The following ZHX2 variants were observed in gnomAD, a reference collection of about 807,000 sequenced individuals.
ZHX2 encodes the protein zinc fingers and homeoboxes 2.
Under a neutral mutation model 21.9 loss-of-function variants are expected in ZHX2, and 6 were observed. The observed-to-expected ratio is 0.27, with a 90% CI of 0.15 to 0.54. The LOEUF (loss-of-function observed/expected upper bound fraction) is 0.54, where lower values mean the gene tolerates loss of function less well. ZHX2 is among the 20% of genes least tolerant of loss of function. ZHX2 has a pLI of 0.95. For synonymous variants in ZHX2, 434 were observed against 437.1 expected (o/e 0.99, Z 0.09); for missense variants, 908 against 1,090.7 (o/e 0.83, Z 2.36).
intron 2 of ZHX2, among the ~76,000 whole-genome samples, chr8:122,866,856 G>T (rs375967758): frequency 6.6e-6 from 1 of 151,994 alleles, no homozygotes; most frequent in East Asian, 1.9e-4. Flanking sequence ...ACAGAGTCTC[G>T]CTCTGCCACC....
chr8:122,974,143 A>G lies in ZHX2; in HGVS notation c.*906A>G, dbSNP rs1003635312. On this transcript the variant is annotated 3_prime_UTR_variant, in exon 4 of 4. Transcript: ENST00000314393. ...TCCTATCTGGAGGGTACAGAGGTGA[A>G]TGGCTTTGGTTTTCATTTCTCTTCT... 1 of 152,468 alleles carries G rather than the reference A, an allele frequency of 6.6e-6. No homozygotes were observed. Among genetic ancestry groups the G allele is most frequent in the Non-Finnish European group, 1.5e-5 (1 of 68,016 alleles). The allele number at this position is 152,468 out of a possible 1,614,324, so 9.4% of individuals were successfully genotyped here.
At chr8:122,946,982 G>A (rs1812990634) in intron 2 of ZHX2, among the ~76,000 whole-genome samples, 1 of 151,552 alleles carries the variant, frequency 6.6e-6, no homozygotes, top group African/African-American at 2.4e-5. Flanking sequence ...GATGCTGGGT[G>A]TGGTGGCTCA....
At chr8:122,896,314 T>C (rs574411817) in intron 2 of ZHX2, among the ~76,000 whole-genome samples, 2 of 152,086 alleles carry the variant, frequency 1.3e-5, no homozygotes, top group Admixed American at 6.5e-5. Flanking sequence ...TCTTCTCCAG[T>C]TTGCTCCTGC....
chr8:122,832,856 C>T (rs1466921492), intron 1 of ZHX2, among the ~76,000 whole-genome samples: 4 of 152,094 alleles, frequency 2.6e-5, no homozygotes, highest in African/African-American at 9.7e-5. Flanking sequence ...CTAATACTCC[C>T]GTTCTGCCAA....
intron 2 of ZHX2, among the ~76,000 whole-genome samples, chr8:122,914,180 C>T (rs1422187525): frequency 6.6e-6 from 1 of 152,230 alleles, no homozygotes; most frequent in Non-Finnish European, 1.5e-5. Flanking sequence ...TAGAAGGAAG[C>T]AGGCAAGCCA....
intron 2 of ZHX2, among the ~76,000 whole-genome samples, chr8:122,872,822 C>T (rs1173553468): frequency 6.6e-6 from 1 of 152,210 alleles, no homozygotes; most frequent in Non-Finnish European, 1.5e-5. Flanking sequence ...GCAATGTCTG[C>T]AGGCGTCGTG....
chr8:122,961,019 C>G (rs1813429056), intron 3 of ZHX2, among the ~76,000 whole-genome samples: 1 of 152,248 alleles, frequency 6.6e-6, no homozygotes, highest in Non-Finnish European at 1.5e-5. Context: ...TTTCTATAAC[C>G]TTAATACTTA....
At chr8:122,867,960 T>A (rs1035463936) in intron 2 of ZHX2, among the ~76,000 whole-genome samples, 17 of 152,218 alleles carry the variant, frequency 1.1e-4, no homozygotes, top group Admixed American at 1.0e-3. Flanking sequence ...TTGCTGATGA[T>A]CCTTCAGTGG....
At position 122,863,468 on chromosome 8, in the gene ZHX2, C is replaced by A. The variant is rs145613710; in HGVS notation, c.-282-9C>A. On this transcript the variant is annotated splice_polypyrimidine_tract_variant and intron_variant, in intron 1 of 3. Transcript: ENST00000314393. ...CCTGCTTTTGATACTGAGTTTCTGT[C>A]CCCTGTAGGTCTGGATGTACCGACT... is the stretch of plus-strand genomic sequence containing the variant. 0.014 allele frequency: 2,208 copies of A among 152,764 alleles called. 38 individuals carry two copies. The highest frequency in any genetic ancestry group is 0.019 in the Non-Finnish European group (1,327 of 68,062). The allele number at this position is 152,764 out of a possible 1,614,324, so 9.5% of individuals were successfully genotyped here.
intron 2 of ZHX2, among the ~76,000 whole-genome samples, chr8:122,883,604 G>A (rs1819765953): frequency 7.3e-6 from 1 of 137,708 alleles, no homozygotes; most frequent in South Asian, 2.6e-4. Context: ...GGAAAATGTT[G>A]TTAGGGACTC....
chr8:122,962,713 A>G (rs550938041), intron 3 of ZHX2, among the ~76,000 whole-genome samples: 1 of 152,288 alleles, frequency 6.6e-6, no homozygotes, highest in South Asian at 2.1e-4. Context: ...TGTTTTTCAT[A>G]GTGGTTGTAC....
intron 1 of ZHX2, among the ~76,000 whole-genome samples, chr8:122,851,613 C>T (rs886931314): frequency 6.6e-5 from 10 of 152,238 alleles, no homozygotes; most frequent in Non-Finnish European, 1.5e-4. Context: ...ATCCTCAGTA[C>T]CTGGCACATG....
chr8:122,851,518 A>G (rs747703997), intron 1 of ZHX2, among the ~76,000 whole-genome samples: 5 of 152,264 alleles, frequency 3.3e-5, no homozygotes, highest in South Asian at 4.1e-4. Context: ...TTTCTTCAAA[A>G]CATTTAGTGC....
intron 2 of ZHX2, among the ~76,000 whole-genome samples, chr8:122,895,197 C>T (rs1820071670): frequency 6.6e-6 from 1 of 152,128 alleles, no homozygotes; most frequent in Admixed American, 6.5e-5. Flanking sequence ...AAAGGGGGCA[C>T]ACGGGTGGTA....
At chr8:122,862,436 T>A (rs1819189684) in intron 1 of ZHX2, among the ~76,000 whole-genome samples, 1 of 152,172 alleles carries the variant, frequency 6.6e-6, no homozygotes, top group East Asian at 1.9e-4. Context: ...CTTTGCAAAC[T>A]TTTAACCTGC....
chr8:122,865,966 G>T (rs575207759), intron 2 of ZHX2, among the ~76,000 whole-genome samples: 1 of 152,182 alleles, frequency 6.6e-6, no homozygotes, highest in South Asian at 2.1e-4. Flanking sequence ...TTTCCTCCTG[G>T]CTCCCTCTGG....
chr8:122,905,311 G>A (rs1820320431), intron 2 of ZHX2, among the ~76,000 whole-genome samples: 1 of 152,174 alleles, frequency 6.6e-6, no homozygotes, highest in Non-Finnish European at 1.5e-5. Context: ...CCACTAATGA[G>A]AAATGCAGTA....
At position 122,825,369 on chromosome 8, in the gene ZHX2, G is replaced by A. The variant is rs982389877; in HGVS notation, c.-282-38108G>A. 3.3e-5 allele frequency among the ~76,000 whole-genome samples: 5 copies of A among 152,266 alleles called. No individual in the cohort carries two copies. The East Asian group carries it at 9.6e-4, about 29-fold the overall frequency. On this transcript the variant is annotated intron_variant, in intron 1 of 3. Transcript: ENST00000314393. ...ACTCCCTTATGGCCGGGGCATGGTC[G>A]TTATACTCAACCACTGGCACATCTC... is the stretch of plus-strand genomic sequence containing the variant.
intron 1 of ZHX2, among the ~76,000 whole-genome samples, chr8:122,788,668 C>T (rs1452437607): frequency 2.0e-5 from 3 of 152,220 alleles, no homozygotes; most frequent in African/African-American, 7.2e-5. Flanking sequence ...AATTCAAACT[C>T]AGCTCAGTCT....
Sources: gnomAD v4.1 joint callset for allele counts (sites outside exome capture counted in the v4.1 genomes callset) on GRCh38, gnomAD v4.1.1 for gene constraint, MANE v1.5 for transcripts, NCBI Gene and HGNC (gene_info 2026-07-23, HGNC 2026-07-21) for gene names.